The following ST6GALNAC3 variants were observed in gnomAD, a reference collection of about 807,000 sequenced individuals.
ST6GALNAC3 encodes alpha-N-acetylgalactosaminide alpha-2,6-sialyltransferase 3.
Under a neutral mutation model 32.7 loss-of-function variants are expected in ST6GALNAC3, and 25 were observed. That is an observed-to-expected ratio of 0.76 (90% confidence interval 0.56 to 1.07). The LOEUF (loss-of-function observed/expected upper bound fraction) is 1.07. Ranked by LOEUF, ST6GALNAC3 falls within the 50% of genes least tolerant of loss-of-function variation. The pLI, the probability that ST6GALNAC3 is intolerant of heterozygous loss-of-function variation, is 0.00. For synonymous variants in ST6GALNAC3, 129 were observed against 133.1 expected, an observed-to-expected ratio of 0.97 and a Z score of 0.21; for missense variants, 355 against 382.4, an observed-to-expected ratio of 0.93 and a Z score of 0.60.
intron 3 of ST6GALNAC3, among the ~76,000 whole-genome samples, chr1:76,529,547 A>T (rs1557533876): frequency 6.6e-6 from 1 of 152,122 alleles, no homozygotes; most frequent in Non-Finnish European, 1.5e-5. Flanking sequence ...AATGATATTC[A>T]TACACTCAAA....
intron 3 of ST6GALNAC3, among the ~76,000 whole-genome samples, chr1:76,503,731 T>G (rs1335466091): frequency 2.0e-5 from 3 of 152,152 alleles, no homozygotes; most frequent in Admixed American, 1.3e-4. Flanking sequence ...GTAGTAGTAA[T>G]CAGCTGAAAT....
intron 1 of ST6GALNAC3, among the ~76,000 whole-genome samples, chr1:76,160,611 A>G (rs1203511786): frequency 6.6e-6 from 1 of 152,250 alleles, no homozygotes; most frequent in Non-Finnish European, 1.5e-5. Flanking sequence ...CAAACTAGCC[A>G]GGCTGTGAAC....
At chr1:76,620,381 G>C (rs1648559700) in intron 3 of ST6GALNAC3, among the ~76,000 whole-genome samples, 1 of 152,046 alleles carries the variant, frequency 6.6e-6, no homozygotes, top group Non-Finnish European at 1.5e-5. Context: ...GTGTTGAGGA[G>C]GGTCTCAGGG....
chr1:76,176,999 C>T (rs1652897409), intron 1 of ST6GALNAC3, among the ~76,000 whole-genome samples: 1 of 152,156 alleles, frequency 6.6e-6, no homozygotes, highest in African/African-American at 2.4e-5. Context: ...CACTTGAGCC[C>T]AGGAGTTCGA....
At chr1:76,556,924 G>A (rs12067514) in intron 3 of ST6GALNAC3, among the ~76,000 whole-genome samples, 25,952 of 151,586 alleles carry the variant, frequency 0.17, 2,458 homozygotes, top group African/African-American at 0.25. Flanking sequence ...TTTTAGTGTC[G>A]TATTTAAAAA....
At chr1:76,201,653 T>TA (rs397749837) in intron 1 of ST6GALNAC3, among the ~76,000 whole-genome samples, 57 of 151,892 alleles carry the variant, frequency 3.8e-4, no homozygotes, top group African/African-American at 1.3e-3. Flanking sequence ...AAAAAACTGT[T>TA]AAAAAAAACT....
chr1:76,227,346 G>C (rs1236732017), intron 1 of ST6GALNAC3, among the ~76,000 whole-genome samples: 1 of 152,110 alleles, frequency 6.6e-6, no homozygotes, highest in East Asian at 1.9e-4. Context: ...GGGGTCCTGG[G>C]AACTTCAGGG....
rs1649292568 is a variant in ST6GALNAC3 at position 76,631,395 on chromosome 1, T to C, written c.*2589T>C. 1 of 152,030 alleles carries C rather than the reference T, an allele frequency of 6.6e-6. No homozygotes were observed. The highest frequency in any genetic ancestry group is 2.4e-5 in the African/African-American group (1 of 41,426). The allele number at this position is 152,030 out of a possible 1,614,324, so 9.4% of individuals were successfully genotyped here. A position where few individuals can be genotyped will look rare whatever the true frequency, so the allele number is the denominator to read the frequency against. Reference sequence around the variant, plus strand: ...ATTTTGATAGAATCTCACAACTTATTTTTCTCTGCTTTTATTTCCTGTTTT... The same window carrying C: ...ATTTTGATAGAATCTCACAACTTATCTTTCTCTGCTTTTATTTCCTGTTTT... On this transcript the variant is annotated 3_prime_UTR_variant, in exon 5 of 5. Transcript: ENST00000328299.
At chr1:76,307,845 T>C in intron 1 of ST6GALNAC3, 1 of 509,820 alleles carries the variant, frequency 2.0e-6, no homozygotes, top group Admixed American at 2.0e-5. Context: ...GCACTTGTGT[T>C]CTCTCCCAAA....
chr1:76,560,426 C>G (rs1452242283), intron 3 of ST6GALNAC3, among the ~76,000 whole-genome samples: 1 of 152,144 alleles, frequency 6.6e-6, no homozygotes, highest in African/African-American at 2.4e-5. Flanking sequence ...TACTTGCAAA[C>G]TACCCATCTG....
chr1:76,539,815 C>G lies in ST6GALNAC3; in HGVS notation c.624-87637C>G, dbSNP rs1276852388. Among the ~76,000 whole-genome samples the G allele has an allele frequency of 2.0e-5, 3 of 152,316 alleles. No individual in the cohort carries two copies. The East Asian group carries it at 5.8e-4, about 29-fold the overall frequency. ...TCAAAACCACAATGAGATACCATCT[C>G]ACATCTGTCAGAATGGTGATTATTA... On this transcript the variant is annotated intron_variant, in intron 3 of 4. Coordinates refer to ENST00000328299, the MANE Select transcript of ST6GALNAC3 (RefSeq NM_152996.4).
intron 1 of ST6GALNAC3, among the ~76,000 whole-genome samples, chr1:76,173,960 A>G (rs1461787084): frequency 1.3e-5 from 2 of 152,164 alleles, no homozygotes; most frequent in Admixed American, 6.5e-5. Flanking sequence ...CAGAAATACC[A>G]TTTGACCCAG....
intron 3 of ST6GALNAC3, among the ~76,000 whole-genome samples, chr1:76,557,418 G>A (rs315050): frequency 0.045 from 6,852 of 152,002 alleles, 525 homozygotes; most frequent in African/African-American, 0.15. Context: ...ATTGGGATGC[G>A]GGCTTCTCCA....
At chr1:76,077,443 A>G (rs1646832309) in intron 1 of ST6GALNAC3, among the ~76,000 whole-genome samples, 1 of 152,222 alleles carries the variant, frequency 6.6e-6, no homozygotes, top group Admixed American at 6.5e-5. Flanking sequence ...TAATGTTTTT[A>G]TGTGTACCAC....
intron 1 of ST6GALNAC3, among the ~76,000 whole-genome samples, chr1:76,139,223 C>T (rs193159055): frequency 6.6e-5 from 10 of 151,160 alleles, no homozygotes; most frequent in Admixed American, 6.6e-4. Flanking sequence ...AATCTATGCA[C>T]CTACACATAC....
chr1:76,321,634 G>A (rs894594355), intron 2 of ST6GALNAC3, among the ~76,000 whole-genome samples: 2 of 152,146 alleles, frequency 1.3e-5, no homozygotes, highest in African/African-American at 4.8e-5. Context: ...CTGCTGGGGG[G>A]CCAAACACAA....
In ST6GALNAC3 at chr1:76,509,352, C is replaced by T. The variant is rs539236428; in HGVS notation, c.623+96935C>T. Among the ~76,000 whole-genome samples, 7 of 152,222 alleles carry T rather than the reference C, an allele frequency of 4.6e-5. No homozygotes were observed. The highest frequency in any genetic ancestry group is 4.6e-4 in the Admixed American group (7 of 15,276). ...AAACTAGCTTGAGTCAGATGAACTT[C>T]ATATTAAGAATGGGTGGAAATTTAT... On this transcript the variant is annotated intron_variant, in intron 3 of 4. Transcript: ENST00000328299. This position sits in a 1 kb window ranked among gnomAD's most constrained non-coding sequence, Gnocchi z 5.5.
chr1:76,192,713 A>C (rs1183635104), intron 1 of ST6GALNAC3, among the ~76,000 whole-genome samples: 1 of 152,168 alleles, frequency 6.6e-6, no homozygotes, highest in Non-Finnish European at 1.5e-5. Context: ...ATCATTTTTC[A>C]AAGCTTTTCA....
At chr1:76,292,326 C>A (rs1660144221) in intron 1 of ST6GALNAC3, among the ~76,000 whole-genome samples, 1 of 151,832 alleles carries the variant, frequency 6.6e-6, no homozygotes. Context: ...AAATGATACA[C>A]TGATACACCT....
Sources: allele counts gnomAD v4.1 joint callset (sites outside exome capture counted in the v4.1 genomes callset), GRCh38; gene constraint gnomAD v4.1.1; non-coding constraint Gnocchi (gnomAD v3.1); transcripts MANE v1.5; gene names NCBI Gene and HGNC (gene_info 2026-07-23, HGNC 2026-07-21).